UBP1: variants seen among roughly 807,000 people sequenced by gnomAD.
UBP1 encodes upstream binding protein 1.
In UBP1, 22 loss-of-function variants were observed where a neutral mutation model predicts 76.1. The ratio of observed to expected loss-of-function variants is 0.29; its 90% CI spans 0.21 to 0.41. The LOEUF is 0.41. Ranked by LOEUF, UBP1 falls within the 10% of genes least tolerant of loss-of-function variation. UBP1 has a pLI of 1.00. For synonymous variants in UBP1, 224 were observed against 237.1 expected (o/e 0.94, Z 0.51); for missense variants, 436 against 668.1 (o/e 0.65, Z 3.83).
chr3:33,402,793 C>T lies in UBP1; in HGVS notation c.1031+8G>A, dbSNP rs370960476. ...AGCTGCAGGCACACGATCACACAAACTAGATACCTGTCTGGGACACTGCAA... is the reference window on the plus strand; with the variant it reads ...AGCTGCAGGCACACGATCACACAAATTAGATACCTGTCTGGGACACTGCAA... On this transcript the variant is annotated splice_region_variant and intron_variant, in intron 9 of 15. Transcript: ENST00000283629. The T allele has an allele frequency of 1.4e-5, 22 of 1,544,204 alleles. No individual in the cohort carries two copies. In the African/African-American group the frequency reaches 2.4e-4, roughly 17 times the overall value.
chr3:33,396,905 T>C, intron 12 of UBP1, 140 bp downstream of exon 12: 1 of 796,654 alleles, frequency 1.3e-6, no homozygotes, highest in South Asian at 1.4e-5. Context: ...AACAGTCTTC[T>C]TGTGAGCACA....
chr3:33,402,473 C>T (rs1336267760), intron 9 of UBP1, among the ~76,000 whole-genome samples: 1 of 152,230 alleles, frequency 6.6e-6, no homozygotes, highest in Non-Finnish European at 1.5e-5. Context: ...AATAAACTCA[C>T]TTTGTCCCTC....
intron 1 of UBP1, among the ~76,000 whole-genome samples, chr3:33,439,077 A>G (rs112236776): frequency 0.013 from 2,014 of 152,334 alleles, 18 homozygotes; most frequent in South Asian, 0.026. Context: ...ATTAAAATGA[A>G]TGACTGCTGG....
chr3:33,404,960 C>T (rs1188440087), intron 8 of UBP1, among the ~76,000 whole-genome samples: 5 of 152,130 alleles, frequency 3.3e-5, no homozygotes, highest in Non-Finnish European at 7.3e-5. Context: ...TCTATTTTTA[C>T]ATGTAATAAA....
At chr3:33,390,441 T>C (rs2043714279) in intron 15 of UBP1, 73 bp from the exon 16 acceptor site, 1 of 1,516,030 alleles carries the variant, frequency 6.6e-7, no homozygotes, top group South Asian at 1.1e-5. Context: ...GAAAACTCCC[T>C]GCCAACTACA....
At chr3:33,437,916 T>G (rs1299281736) in intron 1 of UBP1, among the ~76,000 whole-genome samples, 4 of 150,618 alleles carry the variant, frequency 2.7e-5, no homozygotes, top group African/African-American at 1.0e-4. Flanking sequence ...CATCTCTTAG[T>G]TTTTGAGGAC....
chr3:33,407,547 TAA>T (rs35830232), intron 8 of UBP1, among the ~76,000 whole-genome samples: 3,776 of 135,572 alleles, frequency 0.028, 79 homozygotes, highest in Admixed American at 0.064. Context: ...CGAATTTATT[TAA>T]AAAAAAAAAA....
chr3:33,401,044 G>A (rs2044209262), intron 9 of UBP1, 28 bp from the exon 10 acceptor site: 3 of 1,575,040 alleles, frequency 1.9e-6, no homozygotes, highest in Non-Finnish European at 2.6e-6. Flanking sequence ...AGAAGGAAAT[G>A]ATGATTTTTA....
At chr3:33,436,335 G>C (rs532918856) in intron 1 of UBP1, among the ~76,000 whole-genome samples, 32 of 152,260 alleles carry the variant, frequency 2.1e-4, no homozygotes, top group African/African-American at 7.7e-4. Flanking sequence ...TTGTACAATA[G>C]ATTTCTTAAA....
rs2043632702 is a variant in UBP1, at chr3:33,388,757, AT to A, written c.*1573del. ...TATAGGATCTATAGGAGTTACAGAT[AT>A]TTTCAAATCGATGATGAAAATAGAT... On this transcript the variant is annotated 3_prime_UTR_variant, in exon 16 of 16. Coordinates refer to ENST00000283629, the MANE Select transcript of UBP1 (RefSeq NM_014517.5). 1.3e-5 allele frequency: 2 copies of A among 152,238 alleles called. No homozygotes were observed. The highest frequency in any genetic ancestry group is 4.1e-4 in the South Asian group (2 of 4,834). 9.4% of individuals were successfully genotyped at this position (152,238 alleles called of 1,614,324 possible).
intron 1 of UBP1, among the ~76,000 whole-genome samples, chr3:33,436,511 G>A (rs1382795130): frequency 6.6e-6 from 1 of 152,046 alleles, no homozygotes; most frequent in East Asian, 1.9e-4. Flanking sequence ...AACAAACAGG[G>A]CTCAGACAAT....
At position 33,393,233 on chromosome 3, in the gene UBP1, G is replaced by T. The variant is rs2043838392; in HGVS notation, c.1533+79C>A. 12 of 1,392,616 alleles carry T rather than the reference G, an allele frequency of 8.6e-6. No individual in the cohort carries two copies. In the South Asian group the frequency reaches 1.7e-4, roughly 20 times the overall value. 86.3% of individuals were successfully genotyped at this position (1,392,616 alleles called of 1,614,324 possible). On this transcript the variant is annotated intron_variant, in intron 14 of 15. Coordinates refer to ENST00000283629, the MANE Select transcript of UBP1 (RefSeq NM_014517.5). ...ATAAGTATTTTCAAAAGAGGTCACAGAATTTTTCTACAGTTCTACAATTAC... is the reference window on the plus strand; with the variant it reads ...ATAAGTATTTTCAAAAGAGGTCACATAATTTTTCTACAGTTCTACAATTAC...
At chr3:33,422,116 C>T (rs1183996129) in intron 2 of UBP1, among the ~76,000 whole-genome samples, 1 of 152,118 alleles carries the variant, frequency 6.6e-6, no homozygotes. Flanking sequence ...CTTTGCTAGT[C>T]TGGATCTTTG....
intron 2 of UBP1, among the ~76,000 whole-genome samples, chr3:33,424,889 C>T (rs892441236): frequency 4.6e-5 from 7 of 152,110 alleles, no homozygotes; most frequent in Non-Finnish European, 1.0e-4. Flanking sequence ...ACTAAAATTA[C>T]ACAAAATTAG....
chr3:33,434,682 CT>C (rs10709462), intron 1 of UBP1, among the ~76,000 whole-genome samples: 8,149 of 87,584 alleles, frequency 0.093, 124 homozygotes, highest in Non-Finnish European at 0.14. Context: ...AATGGTTTTA[CT>C]TTTTTTTTTT....
intron 2 of UBP1, among the ~76,000 whole-genome samples, chr3:33,418,421 A>AT (rs1443629677): frequency 4.0e-5 from 6 of 151,746 alleles, no homozygotes; most frequent in African/African-American, 1.4e-4. Flanking sequence ...CGCCCAGCTA[A>AT]TTTTTGTATT....
intron 1 of UBP1, among the ~76,000 whole-genome samples, chr3:33,431,319 G>A (rs1282591985): frequency 6.6e-6 from 1 of 152,208 alleles, no homozygotes; most frequent in Non-Finnish European, 1.5e-5. Context: ...CAGGAAGGCT[G>A]AGCAAATTCT....
At position 33,389,531 on chromosome 3, in the gene UBP1, A is replaced by T. The variant is rs1489095995; in HGVS notation, c.*800T>A. 6.6e-6 allele frequency: 1 copy of T among 152,154 alleles called. No individual in the cohort carries two copies. Among genetic ancestry groups the T allele is most frequent in the South Asian group, 2.1e-4 (1 of 4,826 alleles). 9.4% of individuals were successfully genotyped at this position (152,154 alleles called of 1,614,324 possible). Reference sequence around the variant, plus strand: ...AGGGAGAGAGGGAAGAAAATGAGAGAAAAACCACGAGTTTAAAAGGCAAGG... The same window carrying T: ...AGGGAGAGAGGGAAGAAAATGAGAGTAAAACCACGAGTTTAAAAGGCAAGG... On this transcript the variant is annotated 3_prime_UTR_variant, in exon 16 of 16. Coordinates refer to ENST00000283629, the MANE Select transcript of UBP1 (RefSeq NM_014517.5).
chr3:33,422,949 T>C (rs1041042169), intron 2 of UBP1, among the ~76,000 whole-genome samples: 5 of 152,216 alleles, frequency 3.3e-5, no homozygotes, highest in Non-Finnish European at 5.9e-5. Context: ...CTATATTATA[T>C]ATGATACTCA....
Sources: allele counts gnomAD v4.1 joint callset (sites outside exome capture counted in the v4.1 genomes callset), GRCh38; gene constraint gnomAD v4.1.1; transcripts MANE v1.5; gene names NCBI Gene and HGNC (gene_info 2026-07-23, HGNC 2026-07-21).